The following CASK variants were observed in gnomAD, a reference collection of about 807,000 sequenced individuals.
The protein encoded by CASK is calcium/calmodulin dependent serine protein kinase.
In CASK, 4 loss-of-function variants were observed where a neutral mutation model predicts 82.9. The observed-to-expected ratio is 0.05, with a 90% CI of 0.02 to 0.11. CASK has a LOEUF of 0.11. CASK is among the 10% of genes least tolerant of loss of function. The pLI is 1.00. For missense variants in CASK, 358 were observed against 720.9 expected (o/e 0.50, Z 5.76); for synonymous variants, 259 against 253.5 (o/e 1.02, Z -0.20).
intron 2 of CASK, among the ~76,000 whole-genome samples, chrX:41,814,705 C>T (rs892815866): frequency 9.2e-6 from 1 of 109,076 alleles, no homozygotes; most frequent in Non-Finnish European, 1.9e-5. Context: ...CAAACCTGCA[C>T]GTTGTGCACA....
chrX:41,557,839 C>T (rs2065177406), intron 18 of CASK, among the ~76,000 whole-genome samples: 1 of 111,476 alleles, frequency 9.0e-6, no homozygotes, highest in African/African-American at 3.3e-5. Context: ...CCCTTAGTGT[C>T]CAAATCAACT....
intron 3 of CASK, among the ~76,000 whole-genome samples, chrX:41,774,831 T>C (rs1276434648): frequency 9.0e-6 from 1 of 111,128 alleles, no homozygotes; most frequent in East Asian, 2.8e-4. Context: ...TGGCTAGCCA[T>C]ATATAGAAAG....
intron 5 of CASK, among the ~76,000 whole-genome samples, chrX:41,718,380 C>T (rs1308664513): frequency 2.7e-5 from 3 of 113,069 alleles, no homozygotes; most frequent in East Asian, 2.8e-4. Context: ...TATAGCCTGT[C>T]GGTCAGAAGC....
At chrX:41,829,360 A>G (rs1295790966) in intron 2 of CASK, among the ~76,000 whole-genome samples, 1 of 109,833 alleles carries the variant, frequency 9.1e-6, no homozygotes, top group Admixed American at 9.8e-5. Context: ...TGTACTTTAT[A>G]TAAATGGAAT....
chrX:41,710,081 T>TTGTGTGTGTGTGTGTGTGTGTGTGTG (rs57963407), intron 5 of CASK, among the ~76,000 whole-genome samples: 1 of 72,185 alleles, frequency 1.4e-5, no homozygotes, highest in African/African-American at 5.5e-5. Flanking sequence ...GGTATAGATT[T>TTGTGTGTGTGTGTGTGTGTGTGTGTG]TGTGTGTGTG....
intron 1 of CASK, among the ~76,000 whole-genome samples, chrX:41,910,788 C>T (rs907497982): frequency 2.7e-5 from 3 of 112,114 alleles, no homozygotes; most frequent in Non-Finnish European, 3.8e-5. Context: ...TCTCCAGATA[C>T]CCACACTCCT....
At position 41,651,072 on chromosome X, in the gene CASK, A is replaced by G. The variant is rs967802527; in HGVS notation, c.831+9367T>C. Reference sequence around the variant, plus strand: ...TGTGCTAGAAATTTATTATGTATTAAGCTCAAATTACTTAGAACGAGAACT... The same window carrying G: ...TGTGCTAGAAATTTATTATGTATTAGGCTCAAATTACTTAGAACGAGAACT... On this transcript the variant is annotated intron_variant, in intron 8 of 26. Transcript: ENST00000378163. Among the ~76,000 whole-genome samples, 4 of 112,444 alleles carry G rather than the reference A, an allele frequency of 3.6e-5. 1 individual carries two copies. In the Admixed American group the frequency reaches 3.8e-4, roughly 11 times the overall value.
At chrX:41,625,387 C>T (rs932426772) in intron 10 of CASK, among the ~76,000 whole-genome samples, 4 of 110,130 alleles carry the variant, frequency 3.6e-5, no homozygotes, top group Admixed American at 9.7e-5. Context: ...AGGTTTTCAC[C>T]GTGTTAGCCA....
At chrX:41,842,213 A>G (rs5918261) in intron 2 of CASK, among the ~76,000 whole-genome samples, 18,089 of 111,123 alleles carry the variant, frequency 0.16, 1,436 homozygotes, top group Middle Eastern at 0.31. Flanking sequence ...TTGTTAATTC[A>G]ATTTCATCAA....
At chrX:41,613,054 A>AG (rs1024256321) in intron 11 of CASK, among the ~76,000 whole-genome samples, 5 of 106,325 alleles carry the variant, frequency 4.7e-5, no homozygotes, top group African/African-American at 1.7e-4. Context: ...CTGGGAGGTG[A>AG]GGGGCGCCTC....
intron 15 of CASK, among the ~76,000 whole-genome samples, chrX:41,575,828 C>T (rs1173009869): frequency 9.0e-6 from 1 of 111,297 alleles, no homozygotes; most frequent in Non-Finnish European, 1.9e-5. Context: ...AAGAAATATA[C>T]ATCTTCACTA....
intron 11 of CASK, among the ~76,000 whole-genome samples, chrX:41,621,915 C>T (rs12841745): frequency 9.0e-6 from 1 of 111,518 alleles, no homozygotes; most frequent in Non-Finnish European, 1.9e-5. Flanking sequence ...GTATTCTTTG[C>T]TCAGTTCCCC....
rs1460970667 is a variant in CASK at position 41,612,703 on chromosome X, G to T, written c.1034-2678C>A. The stretch of plus-strand genomic sequence containing the variant: ...CAGCCGCCCCGTCCGGGAGGGAGGT[G>T]GGGGGGTCAGCTCCCCGCCCGGCCA... On this transcript the variant is annotated intron_variant, in intron 11 of 26. Coordinates refer to ENST00000378163, the MANE Select transcript of CASK (RefSeq NM_001367721.1). Among the ~76,000 whole-genome samples the T allele has an allele frequency of 1.8e-3, 165 of 92,375 alleles. 1 individual carries two copies. The highest frequency in any genetic ancestry group is 2.6e-3 in the Non-Finnish European group (119 of 45,783). The allele number at this position is 92,375 out of a possible 115,157, so 80.2% of individuals were successfully genotyped here. A position where few individuals can be genotyped will look rare whatever the true frequency, so the allele number is the denominator to read the frequency against.
At chrX:41,804,199 T>C (rs773862349) in intron 2 of CASK, among the ~76,000 whole-genome samples, 1 of 110,738 alleles carries the variant, frequency 9.0e-6, no homozygotes, top group East Asian at 2.8e-4. Context: ...GATACAAAAA[T>C]TAGCCAGGTG....
intron 1 of CASK, among the ~76,000 whole-genome samples, chrX:41,892,033 C>G (rs2072178781): frequency 9.1e-6 from 1 of 109,813 alleles, no homozygotes; most frequent in Non-Finnish European, 1.9e-5. Context: ...CTAAAACAAA[C>G]AAACAAAAAA....
chrX:41,844,285 G>A (rs1437188296), intron 2 of CASK, among the ~76,000 whole-genome samples: 2 of 111,338 alleles, frequency 1.8e-5, no homozygotes, highest in Non-Finnish European at 3.8e-5. Flanking sequence ...ATGTGTGAAG[G>A]AATTATATGA....
intron 2 of CASK, among the ~76,000 whole-genome samples, chrX:41,814,279 A>G (rs1160576726): frequency 8.9e-6 from 1 of 111,841 alleles, no homozygotes; most frequent in East Asian, 2.8e-4. Flanking sequence ...TGCTGCTATA[A>G]AGACACATGC....
intron 1 of CASK, among the ~76,000 whole-genome samples, chrX:41,917,504 G>A (rs1276244325): frequency 8.9e-6 from 1 of 111,845 alleles, no homozygotes; most frequent in African/African-American, 3.3e-5. Context: ...TCAATTTATT[G>A]AGTAGAACTA....
At chrX:41,770,354 A>T (rs1441178994) in intron 3 of CASK, among the ~76,000 whole-genome samples, 1 of 105,129 alleles carries the variant, frequency 9.5e-6, no homozygotes, top group African/African-American at 3.6e-5. Flanking sequence ...CCATCCATCC[A>T]TCCATCCGTT....
Sources: allele counts gnomAD v4.1 joint callset (sites outside exome capture counted in the v4.1 genomes callset), GRCh38; gene constraint gnomAD v4.1.1; transcripts MANE v1.5; gene names NCBI Gene and HGNC (gene_info 2026-07-23, HGNC 2026-07-21).